The following GRM8 variants were observed in gnomAD, a reference collection of about 807,000 sequenced individuals.
GRM8 encodes the protein glutamate metabotropic receptor 8.
Under a neutral mutation model 87.2 loss-of-function variants are expected in GRM8, and 47 were observed. The ratio of observed to expected loss-of-function variants is 0.54; its 90% CI spans 0.43 to 0.69. The LOEUF is 0.69. Ranked by LOEUF, GRM8 falls within the 30% of genes least tolerant of loss-of-function variation. The pLI is 0.00. For missense variants in GRM8, 1,019 were observed against 1,139.2 expected (o/e 0.89, Z 1.52); for synonymous variants, 396 against 404.5 (o/e 0.98, Z 0.25).
At position 126,533,387 on chromosome 7, in the gene GRM8, G is replaced by C. The variant is rs148780156; in HGVS notation, c.1995C>G (p.Ala665=). The change falls in exon 9 of 11, where the codon GCC becomes GCG. Residue 665 remains alanine, a synonymous_variant. Coordinates refer to ENST00000339582, the MANE Select transcript of GRM8 (RefSeq NM_000845.3). ...LGLGMCFSYA[A]LLTKTNRIHR... ...GGATACGGTTTGTTTTGGTCAGAAG[G>C]GCTGCATAGCTGAAACACATGCCAA... is the stretch of plus-strand genomic sequence containing the variant. 1 of 1,613,900 alleles carries C rather than the reference G, an allele frequency of 6.2e-7. No homozygotes were observed. Among genetic ancestry groups the C allele is most frequent in the South Asian group, 1.1e-5 (1 of 91,056 alleles).
At chr7:127,082,544 G>C (rs1000135097) in intron 3 of GRM8, among the ~76,000 whole-genome samples, 1 of 152,202 alleles carries the variant, frequency 6.6e-6, no homozygotes, top group East Asian at 1.9e-4. Context: ...TTACCTATTA[G>C]TTCAATGTGC....
At chr7:126,614,810 C>G (rs1413616188) in intron 7 of GRM8, among the ~76,000 whole-genome samples, 1 of 151,992 alleles carries the variant, frequency 6.6e-6, no homozygotes, top group Non-Finnish European at 1.5e-5. Flanking sequence ...GAAGCGAGAA[C>G]AGAAGTTTAG....
intron 7 of GRM8, among the ~76,000 whole-genome samples, chr7:126,672,345 G>C (rs975479487): frequency 6.6e-6 from 1 of 152,170 alleles, no homozygotes; most frequent in African/African-American, 2.4e-5. Context: ...TGTACTGTGG[G>C]TATCTGCTAG....
chr7:127,229,877 T>C (rs1455004442), intron 2 of GRM8: 1 of 152,216 alleles, frequency 6.6e-6, no homozygotes, highest in East Asian at 1.9e-4. Flanking sequence ...ATGGTGGCTT[T>C]TCTTATTGGA....
chr7:127,176,917 C>T (rs545060439), intron 2 of GRM8, among the ~76,000 whole-genome samples: 1 of 152,184 alleles, frequency 6.6e-6, no homozygotes, highest in Admixed American at 6.5e-5. Context: ...GGGAGGGTGA[C>T]CAGAGGAGCA....
In GRM8 at chr7:127,035,765, A is replaced by T. The variant is rs568774115; in HGVS notation, c.727+70731T>A. On this transcript the variant is annotated intron_variant, in intron 3 of 10. Transcript: ENST00000339582. Reference sequence around the variant, plus strand: ...TTCATCATGCCTAGAGGGACCTATTAAAAAATGTTAGTTAATTCTTCCCGT... The same window carrying T: ...TTCATCATGCCTAGAGGGACCTATTTAAAAATGTTAGTTAATTCTTCCCGT... Among the ~76,000 whole-genome samples the T allele has an allele frequency of 1.2e-3, 187 of 152,246 alleles. 1 individual carries two copies. Among genetic ancestry groups the T allele is most frequent in the African/African-American group, 4.3e-3 (178 of 41,558 alleles).
intron 2 of GRM8, among the ~76,000 whole-genome samples, chr7:127,212,111 A>G (rs17863243): frequency 0.088 from 13,415 of 152,250 alleles, 651 homozygotes; most frequent in African/African-American, 0.12. Flanking sequence ...GAGCCAGCAT[A>G]AAAAGTGTTA....
At chr7:126,820,680 T>C (rs906926023) in intron 6 of GRM8, among the ~76,000 whole-genome samples, 1 of 152,228 alleles carries the variant, frequency 6.6e-6, no homozygotes, top group African/African-American at 2.4e-5. Flanking sequence ...ACATGTTCTT[T>C]ACCAGTTCTT....
chr7:127,023,784 A>T (rs1297827546), intron 3 of GRM8, among the ~76,000 whole-genome samples: 1 of 152,110 alleles, frequency 6.6e-6, no homozygotes, highest in Non-Finnish European at 1.5e-5. Context: ...CAGTGTTTGC[A>T]CAGCTCCATG....
chr7:126,812,563 G>A (rs1793402112), intron 6 of GRM8, among the ~76,000 whole-genome samples: 1 of 152,046 alleles, frequency 6.6e-6, no homozygotes, highest in African/African-American at 2.4e-5. Flanking sequence ...TGTGGCCCAT[G>A]ACTGCATACA....
chr7:127,153,404 G>A (rs1040651373), intron 2 of GRM8, among the ~76,000 whole-genome samples: 6 of 152,134 alleles, frequency 3.9e-5, no homozygotes, highest in South Asian at 2.1e-4. Flanking sequence ...GACCACAGCC[G>A]AAACCTTGAT....
chr7:126,717,471 GTTTGGGACATACAACTATGGAC>G (rs1811886524), intron 7 of GRM8, among the ~76,000 whole-genome samples: 1 of 152,134 alleles, frequency 6.6e-6, no homozygotes, highest in Non-Finnish European at 1.5e-5. Context: ...GCTCAAACAT[GTTTGGGACATACAACTATGGAC>G]TTTGGGACAT....
intron 6 of GRM8, among the ~76,000 whole-genome samples, chr7:126,886,959 T>C (rs998593003): frequency 2.0e-5 from 3 of 151,852 alleles, no homozygotes; most frequent in African/African-American, 7.3e-5. Context: ...ATTTTGGGAG[T>C]GCAGAGAAGT....
At chr7:126,535,274 C>T (rs1815516012) in intron 8 of GRM8, among the ~76,000 whole-genome samples, 1 of 152,084 alleles carries the variant, frequency 6.6e-6, no homozygotes, top group Admixed American at 6.5e-5. Context: ...CTTCTGAGGC[C>T]AGGTCATAAA....
At chr7:127,139,227 G>C (rs545290898) in intron 2 of GRM8, among the ~76,000 whole-genome samples, 30 of 152,224 alleles carry the variant, frequency 2.0e-4, no homozygotes, top group African/African-American at 7.2e-4. Context: ...CATGAACCAA[G>C]ACACTGCACT....
intron 3 of GRM8, among the ~76,000 whole-genome samples, chr7:126,937,473 C>A (rs993017755): frequency 6.6e-6 from 1 of 152,142 alleles, no homozygotes; most frequent in South Asian, 2.1e-4. Flanking sequence ...CAAACCTGCA[C>A]CAGTAGAAAG....
At chr7:126,750,802 C>T (rs553337670) in intron 7 of GRM8, among the ~76,000 whole-genome samples, 2 of 152,140 alleles carry the variant, frequency 1.3e-5, no homozygotes, top group African/African-American at 4.8e-5. Context: ...CTCTTTTAGA[C>T]ACATATTTTT....
At chr7:126,663,571 G>C (rs1274272143) in intron 7 of GRM8, among the ~76,000 whole-genome samples, 1 of 152,092 alleles carries the variant, frequency 6.6e-6, no homozygotes, top group African/African-American at 2.4e-5. Context: ...TGCAGAAAAA[G>C]CTTTTGATAA....
At chr7:126,544,843 A>G (rs1256097914) in intron 8 of GRM8, among the ~76,000 whole-genome samples, 1 of 152,126 alleles carries the variant, frequency 6.6e-6, no homozygotes, top group Non-Finnish European at 1.5e-5. Flanking sequence ...TGTGGAAGAC[A>G]GAAACTCTGC....
Sources: allele counts gnomAD v4.1 joint callset (sites outside exome capture counted in the v4.1 genomes callset), GRCh38; gene constraint gnomAD v4.1.1; transcripts MANE v1.5; gene names NCBI Gene and HGNC (gene_info 2026-07-23, HGNC 2026-07-21).